The following FHOD3 variants were observed in gnomAD, a reference collection of about 807,000 sequenced individuals.
FHOD3 encodes the protein FH1/FH2 domain-containing protein 3.
FHOD3 carries 90 observed loss-of-function variants against 173.0 expected under a neutral mutation model. That is an observed-to-expected ratio of 0.52 (90% CI 0.44 to 0.62). FHOD3 has a LOEUF of 0.62. FHOD3 is among the 20% of genes least tolerant of loss of function. The pLI is 0.00. For missense variants in FHOD3, 1,945 were observed against 2,034.7 expected (o/e 0.96, Z 0.85); for synonymous variants, 828 against 823.0 (o/e 1.01, Z -0.10).
chr18:36,594,783 C>A lies in FHOD3; in HGVS notation c.607-4C>A. The stretch of plus-strand genomic sequence containing the variant: ...TGATGTGATGGTTTTATCTCTTCTG[C>A]CAGTTCCGCCTGGTGGTGAAGACAG... On this transcript the variant is annotated splice_region_variant and splice_polypyrimidine_tract_variant and intron_variant, in intron 6 of 28. Coordinates refer to ENST00000590592, the MANE Select transcript of FHOD3 (RefSeq NM_001281740.3). 1 of 1,609,564 alleles carries A rather than the reference C, an allele frequency of 6.2e-7. No individual in the cohort carries two copies. Among genetic ancestry groups the A allele is most frequent in the Non-Finnish European group, 8.5e-7 (1 of 1,176,678 alleles).
At chr18:36,426,295 G>C (rs1000171625) in intron 3 of FHOD3, among the ~76,000 whole-genome samples, 2 of 152,188 alleles carry the variant, frequency 1.3e-5, no homozygotes, top group African/African-American at 2.4e-5. Flanking sequence ...CTGGGGCACA[G>C]ATAGGCTAGG....
chr18:36,439,609 T>G (rs1453962402), intron 3 of FHOD3, among the ~76,000 whole-genome samples: 2 of 150,668 alleles, frequency 1.3e-5, no homozygotes, highest in Non-Finnish European at 2.9e-5. Flanking sequence ...TATGTGATTA[T>G]GAAGCCCAAG....
chr18:36,718,369 C>CA lies in FHOD3; in HGVS notation c.3072dup (p.Pro1025ThrfsTer28). ...AGGGAGGCCCCTGGGCCACCTCCCC[C>CA]ACCCCCACCCACCTTTCTGGGTTTG... On this transcript the variant is annotated frameshift_variant, in exon 19 of 29. Coordinates refer to ENST00000590592, the MANE Select transcript of FHOD3 (RefSeq NM_001281740.3). LOFTEE classifies it high-confidence loss of function. 25 of 1,581,108 alleles carry CA rather than the reference C, an allele frequency of 1.6e-5. No homozygotes were observed. Among genetic ancestry groups the CA allele is most frequent in the African/African-American group, 2.8e-5 (2 of 72,574 alleles).
chr18:36,476,547 C>CA (rs2053586764), intron 3 of FHOD3, among the ~76,000 whole-genome samples: 1 of 152,152 alleles, frequency 6.6e-6, no homozygotes, highest in Admixed American at 6.5e-5. Context: ...TTTGGCCCCC[C>CA]ATAGTCAGGA....
At chr18:36,658,253 T>G (rs1350085892) in intron 14 of FHOD3, 65 bp downstream of exon 14, 5 of 1,158,162 alleles carry the variant, frequency 4.3e-6, no homozygotes, top group African/African-American at 1.6e-5. Flanking sequence ...TTTGGTTAAG[T>G]GTGGTTAAAG....
At chr18:36,466,201 G>T (rs1368416620) in intron 3 of FHOD3, among the ~76,000 whole-genome samples, 1 of 152,198 alleles carries the variant, frequency 6.6e-6, no homozygotes, top group Non-Finnish European at 1.5e-5. Context: ...ATCCCGCAGA[G>T]ACATGACTTG....
intron 1 of FHOD3, among the ~76,000 whole-genome samples, chr18:36,300,522 A>G (rs1260655351): frequency 2.6e-5 from 4 of 152,190 alleles, no homozygotes; most frequent in African/African-American, 9.7e-5. Context: ...GTGAGCTATC[A>G]TACCAGGACC....
chr18:36,434,586 T>A (rs546424587), intron 3 of FHOD3, among the ~76,000 whole-genome samples: 2 of 152,346 alleles, frequency 1.3e-5, no homozygotes, highest in South Asian at 2.1e-4. Context: ...TGATTTTTTT[T>A]ATTTAAAAAA....
At chr18:36,658,287 A>C in intron 14 of FHOD3, 99 bp downstream of exon 14, 1 of 760,448 alleles carries the variant, frequency 1.3e-6, no homozygotes, top group Non-Finnish European at 2.1e-6. Context: ...AAAAGACATA[A>C]CATGAAGTAT....
chr18:36,443,898 ATGTT>A (rs1007650823), intron 3 of FHOD3, among the ~76,000 whole-genome samples: 18 of 152,122 alleles, frequency 1.2e-4, no homozygotes, highest in Non-Finnish European at 8.8e-5. Flanking sequence ...ATTAGCCACA[ATGTT>A]TGTTTATTCA....
intron 3 of FHOD3, among the ~76,000 whole-genome samples, chr18:36,469,829 G>A (rs1057308317): frequency 1.3e-4 from 20 of 152,094 alleles, no homozygotes; most frequent in Non-Finnish European, 2.9e-5. Context: ...GGGTGGCGGC[G>A]GGGTCTGCGG....
chr18:36,451,363 C>T (rs1277086319), intron 3 of FHOD3, among the ~76,000 whole-genome samples: 1 of 152,218 alleles, frequency 6.6e-6, no homozygotes, highest in East Asian at 1.9e-4. Context: ...CTTACGAAGC[C>T]AGTACCAGTT....
At chr18:36,556,907 T>C (rs2057910073) in intron 5 of FHOD3, among the ~76,000 whole-genome samples, 1 of 152,188 alleles carries the variant, frequency 6.6e-6, no homozygotes, top group African/African-American at 2.4e-5. Flanking sequence ...GGTCTTTATT[T>C]CACCTTTGTT....
In FHOD3 at chr18:36,769,376, A is replaced by G. The variant is rs777196169; in HGVS notation, c.4736A>G (p.Gln1579Arg). 9 of 1,614,054 alleles carry G rather than the reference A, an allele frequency of 5.6e-6. No individual in the cohort carries two copies. The South Asian group carries it at 8.8e-5, about 16-fold the overall frequency. ...AAGTCAGCCACCCAAGTGCCCAGTC[A>G]GCGAGTGGTGCCGAGGGAGAGGAAA... ...IVKSATQVPS[Q>R]RVVPRERKRS... is the part of the protein sequence containing the mutation. The change falls in exon 28 of 29, where the codon CAG becomes CGG. Residue 1579 changes from glutamine (Q) to arginine (R), a missense_variant. Gln to Arg is a conservative substitution (Grantham distance 43). Around this residue, in one of 5 missense-constraint regions of FHOD3, gnomAD observed 354 missense variants for 359.9 expected, o/e 0.98. Transcript: ENST00000590592.
rs958518493 is a variant in FHOD3 at position 36,500,824 on chromosome 18, T to C, written c.338-1108T>C. ...CCAGCAGGTTCTCAGTAAACATGCG[T>C]TGGGTGATTCTATTGGAAAAGTCTG... On this transcript the variant is annotated intron_variant, in intron 3 of 28. Coordinates refer to ENST00000590592, the MANE Select transcript of FHOD3 (RefSeq NM_001281740.3). 2.6e-5 allele frequency among the ~76,000 whole-genome samples: 4 copies of C among 152,252 alleles called. No individual in the cohort carries two copies. In the South Asian group the frequency reaches 6.2e-4, roughly 24 times the overall value.
chr18:36,356,727 C>A (rs1412409755), intron 2 of FHOD3, among the ~76,000 whole-genome samples: 7 of 150,018 alleles, frequency 4.7e-5, no homozygotes, highest in African/African-American at 1.7e-4. Flanking sequence ...CCTCTGTCTC[C>A]CAGGTTCCAG....
At chr18:36,665,604 G>C (rs932965238) in intron 14 of FHOD3, among the ~76,000 whole-genome samples, 3 of 151,436 alleles carry the variant, frequency 2.0e-5, no homozygotes, top group Non-Finnish European at 4.4e-5. Context: ...AGGTTAAGAG[G>C]GGGATAAGAA....
rs1397280196 is a variant in FHOD3, at chr18:36,747,148, A to C, written c.4232+13A>C. ...GGATAATCAACAGGTAAGTGGATTG[A>C]GGAACTTATAGAAATATCAGTACAA... is the stretch of plus-strand genomic sequence containing the variant. On this transcript the variant is annotated intron_variant, in intron 24 of 28. Coordinates refer to ENST00000590592, the MANE Select transcript of FHOD3 (RefSeq NM_001281740.3). The C allele has an allele frequency of 1.9e-6, 3 of 1,587,258 alleles. No homozygotes were observed. In the South Asian group the frequency reaches 3.5e-5, roughly 18 times the overall value.
chr18:36,560,083 C>A (rs945421767), intron 5 of FHOD3, among the ~76,000 whole-genome samples: 3 of 152,162 alleles, frequency 2.0e-5, no homozygotes, highest in African/African-American at 7.2e-5. Context: ...CGTCCTTGGG[C>A]ACCCAGAGTG....
Sources: gnomAD v4.1 joint callset for allele counts (sites outside exome capture counted in the v4.1 genomes callset) on GRCh38, gnomAD v4.1.1 for gene constraint, gnomAD v4.1.1 regional missense constraint, MANE v1.5 for transcripts, NCBI Gene and HGNC (gene_info 2026-07-23, HGNC 2026-07-21) for gene names.